The following PTPN4 variants were observed in gnomAD, a reference collection of about 807,000 sequenced individuals.
The protein encoded by PTPN4 is protein tyrosine phosphatase non-receptor type 4.
Under a neutral mutation model 135.5 loss-of-function variants are expected in PTPN4, and 49 were observed. That is an observed-to-expected ratio of 0.36 (90% CI 0.29 to 0.46). PTPN4 has a LOEUF of 0.46. PTPN4 is among the 20% of genes least tolerant of loss of function. PTPN4 has a pLI of 1.00. For synonymous variants in PTPN4, 333 were observed against 369.9 expected (o/e 0.90, Z 1.14); for missense variants, 860 against 1,101.0 (o/e 0.78, Z 3.10).
At chr2:119,955,081 G>A (rs775068028) in intron 19 of PTPN4, 76 bp from the exon 20 acceptor site, 77 of 1,285,646 alleles carry the variant, frequency 6.0e-5, no homozygotes, top group Admixed American at 1.5e-4. Context: ...ATTATACAGT[G>A]TATCTGGTAA....
chr2:119,790,673 C>A (rs1429662282), intron 1 of PTPN4, among the ~76,000 whole-genome samples: 2 of 151,916 alleles, frequency 1.3e-5, no homozygotes, highest in Admixed American at 6.6e-5. Flanking sequence ...GTATTTAGTC[C>A]ATTTACACTT....
chr2:119,832,200 G>T lies in PTPN4; in HGVS notation c.138+22209G>T, dbSNP rs367719192. ...AACTGACCTTAACAGGTCTTACTAG[G>T]TAGGCTCCCTGGTTTCACTTTGCTT... is the stretch of plus-strand genomic sequence containing the variant. On this transcript the variant is annotated intron_variant, in intron 2 of 26. Transcript: ENST00000263708. 1.9e-3 allele frequency among the ~76,000 whole-genome samples: 290 copies of T among 152,252 alleles called. 3 individuals carry two copies. In the South Asian group the frequency reaches 0.031, roughly 17 times the overall value.
At chr2:119,849,189 A>G (rs531701395) in intron 2 of PTPN4, among the ~76,000 whole-genome samples, 3 of 152,150 alleles carry the variant, frequency 2.0e-5, no homozygotes, top group East Asian at 3.9e-4. Flanking sequence ...TCAGTCTGAC[A>G]TGTAGGCCCT....
At chr2:119,773,260 G>A (rs1002825333) in intron 1 of PTPN4, among the ~76,000 whole-genome samples, 4 of 152,056 alleles carry the variant, frequency 2.6e-5, no homozygotes, top group Middle Eastern at 3.2e-3. Flanking sequence ...GGTGGAAAAT[G>A]CTACAAGTTG....
chr2:119,829,256 T>A (rs1677186762), intron 2 of PTPN4, among the ~76,000 whole-genome samples: 2 of 152,226 alleles, frequency 1.3e-5, no homozygotes, highest in South Asian at 4.1e-4. Flanking sequence ...TTAAAGTGGA[T>A]GATTCACCTT....
At chr2:119,820,558 C>A (rs2104955392) in intron 2 of PTPN4, among the ~76,000 whole-genome samples, 1 of 152,252 alleles carries the variant, frequency 6.6e-6, no homozygotes, top group South Asian at 2.1e-4. Context: ...GGCTCTTTGC[C>A]CAGATGCTGG....
chr2:119,829,826 T>C lies in PTPN4; in HGVS notation c.138+19835T>C, dbSNP rs185346341. On this transcript the variant is annotated intron_variant, in intron 2 of 26. Coordinates refer to ENST00000263708, the MANE Select transcript of PTPN4 (RefSeq NM_002830.4). Reference sequence around the variant, plus strand: ...TCTTTGTTTTCAATTCTTTGGAGTCTATACCTAGGAGGAGCATTTCTGGAT... The same window carrying C: ...TCTTTGTTTTCAATTCTTTGGAGTCCATACCTAGGAGGAGCATTTCTGGAT... Among the ~76,000 whole-genome samples, 100 of 152,354 alleles carry C rather than the reference T, an allele frequency of 6.6e-4. No individual in the cohort carries two copies. The East Asian group carries it at 0.014, about 22-fold the overall frequency.
At chr2:119,964,742 C>A (rs1355838725) in intron 24 of PTPN4, among the ~76,000 whole-genome samples, 1 of 152,012 alleles carries the variant, frequency 6.6e-6, no homozygotes, top group Non-Finnish European at 1.5e-5. Context: ...AAAATAGTTT[C>A]TTTCCTTTTT....
chr2:119,882,418 A>T, intron 7 of PTPN4, 85 bp from the exon 8 acceptor site: 2 of 1,280,104 alleles, frequency 1.6e-6, no homozygotes, highest in Non-Finnish European at 1.1e-6. Context: ...TACATCCAGA[A>T]ATAGAATTAA....
At chr2:119,795,264 C>G (rs1449962849) in intron 1 of PTPN4, among the ~76,000 whole-genome samples, 1 of 152,164 alleles carries the variant, frequency 6.6e-6, no homozygotes, top group African/African-American at 2.4e-5. Flanking sequence ...ACCAGCAGCC[C>G]AGCCCCCAGG....
At chr2:119,968,125 C>G (rs891525579) in intron 26 of PTPN4, among the ~76,000 whole-genome samples, 153 bp downstream of exon 26, 5 of 152,158 alleles carry the variant, frequency 3.3e-5, no homozygotes, top group Non-Finnish European at 7.3e-5. Context: ...CAAACTACTG[C>G]CCACTAGTCA....
At chr2:119,936,325 A>T (rs750955536) in intron 15 of PTPN4, among the ~76,000 whole-genome samples, 2 of 152,042 alleles carry the variant, frequency 1.3e-5, no homozygotes, top group Non-Finnish European at 2.9e-5. Flanking sequence ...TTATAGATTC[A>T]CAAACCCCCA....
chr2:119,943,346 CTCTGTATCAGTTATCT>C (rs1044084709), intron 15 of PTPN4, among the ~76,000 whole-genome samples: 1 of 152,144 alleles, frequency 6.6e-6, no homozygotes, highest in Admixed American at 6.5e-5. Flanking sequence ...GGCAGTAAAT[CTCTGTATCAGTTATCT>C]TGTTATGCTT....
intron 15 of PTPN4, among the ~76,000 whole-genome samples, chr2:119,935,480 G>A (rs964522258): frequency 4.6e-5 from 7 of 152,186 alleles, no homozygotes; most frequent in African/African-American, 1.7e-4. Flanking sequence ...GTGGAAGAGA[G>A]TACAGGTGTA....
intron 2 of PTPN4, among the ~76,000 whole-genome samples, chr2:119,837,853 C>G (rs1472419576): frequency 6.6e-6 from 1 of 152,246 alleles, no homozygotes; most frequent in African/African-American, 2.4e-5. Flanking sequence ...TACATCTGGT[C>G]CAGCCACAGC....
intron 24 of PTPN4, among the ~76,000 whole-genome samples, 199 bp downstream of exon 24, chr2:119,962,943 A>G (rs1679389943): frequency 1.3e-5 from 2 of 152,148 alleles, no homozygotes; most frequent in Non-Finnish European, 2.9e-5. Context: ...GTTTTTCTTT[A>G]GTTTCTATGA....
chr2:119,904,868 C>G (rs1678462089), intron 10 of PTPN4, among the ~76,000 whole-genome samples: 1 of 151,994 alleles, frequency 6.6e-6, no homozygotes, highest in Admixed American at 6.5e-5. Context: ...AATTCATCAC[C>G]ACTAGATGGA....
chr2:119,828,491 T>C (rs1677176306), intron 2 of PTPN4, among the ~76,000 whole-genome samples: 1 of 152,254 alleles, frequency 6.6e-6, no homozygotes, highest in African/African-American at 2.4e-5. Context: ...ACTTTGGGGC[T>C]ACTATGAATA....
chr2:119,977,304 A>C lies in PTPN4; in HGVS notation c.*234A>C. On this transcript the variant is annotated 3_prime_UTR_variant, in exon 27 of 27. Transcript: ENST00000263708. ...GCTTTGCTCCGAACAAATAGTAAAT[A>C]ACTGAGTATGTTCAGGGTAATTTAT... The C allele has an allele frequency of 1.8e-6, 1 of 564,034 alleles. No individual in the cohort carries two copies. Among genetic ancestry groups the C allele is most frequent in the Non-Finnish European group, 2.5e-6 (1 of 398,838 alleles). The allele number at this position is 564,034 out of a possible 1,614,324, so 34.9% of individuals were successfully genotyped here.
Sources: gnomAD v4.1 joint callset for allele counts (sites outside exome capture counted in the v4.1 genomes callset) on GRCh38, gnomAD v4.1.1 for gene constraint, MANE v1.5 for transcripts, NCBI Gene and HGNC (gene_info 2026-07-23, HGNC 2026-07-21) for gene names.